The following ATAD3A variants were observed in gnomAD, a reference collection of about 807,000 sequenced individuals.
The protein encoded by ATAD3A is ATPase family AAA domain containing 3A.
ATAD3A carries 46 observed loss-of-function variants against 73.8 expected under a neutral mutation model. That is an observed-to-expected ratio of 0.62 (90% confidence interval 0.49 to 0.80). The LOEUF is 0.80. Among genes scored for constraint, ATAD3A ranks in the 30% least tolerant of loss-of-function variants. The pLI, the probability that ATAD3A is intolerant of heterozygous loss-of-function variation, is 0.00. For missense variants in ATAD3A, 705 were observed against 838.0 expected, an observed-to-expected ratio of 0.84 and a Z score of 1.96; for synonymous variants, 319 against 350.0, an observed-to-expected ratio of 0.91 and a Z score of 0.99.
intron 14 of ATAD3A, 92 bp downstream of exon 14, chr1:1,527,954 A>ATTC (rs1557476327): frequency 8.6e-7 from 1 of 1,156,786 alleles, no homozygotes; most frequent in African/African-American, 1.8e-5. Context: ...AACCTTTAAC[A>ATTC]TTCCTTTTTT....
At chr1:1,515,449 G>C (rs759706951) in intron 1 of ATAD3A, among the ~76,000 whole-genome samples, 53 of 152,140 alleles carry the variant, frequency 3.5e-4, no homozygotes, top group Non-Finnish European at 6.0e-4. Context: ...TGATGCTGAG[G>C]CCTCAGCAGC....
intron 15 of ATAD3A, among the ~76,000 whole-genome samples, chr1:1,529,802 T>C (rs1271302271): frequency 2.0e-5 from 3 of 152,198 alleles, no homozygotes; most frequent in Non-Finnish European, 2.9e-5. Context: ...CCACAGCCAG[T>C]TGTTCTTCGG....
rs1357812542 is a variant in ATAD3A, at chr1:1,530,605, G to A, written c.1614+1274G>A. 2.6e-3 allele frequency among the ~76,000 whole-genome samples: 286 copies of A among 111,910 alleles called. 10 individuals are homozygous for A. The highest frequency in any genetic ancestry group is 4.1e-3 in the Middle Eastern group (1 of 244). 73.4% of individuals were successfully genotyped at this position (111,910 alleles called of 152,430 possible). A position where few individuals can be genotyped will look rare whatever the true frequency, so the allele number is the denominator to read the frequency against. ...AGCACTTTGGGAGGCCGAGGCGGGC[G>A]GATCACGAGGTCAGGAGATCGAGAC... On this transcript the variant is annotated intron_variant, in intron 15 of 15. Transcript: ENST00000378756.
Position 1,529,096 on chromosome 1 carries a change from G to C in ATAD3A, c.1506-127G>C, listed in dbSNP as rs568836405. 1,156 of 1,407,474 alleles carry C rather than the reference G, an allele frequency of 8.2e-4. 2 individuals carry two copies. Among genetic ancestry groups the C allele is most frequent in the Non-Finnish European group, 1.1e-3 (1,079 of 1,025,030 alleles). The allele number at this position is 1,407,474 out of a possible 1,614,324, so 87.2% of individuals were successfully genotyped here. ...GGGAGGATGTGGAGCTGGGCTGTCA[G>C]AAGTAGAGAGCCCCTCCAAAGAGGA... On this transcript the variant is annotated intron_variant, in intron 14 of 15. Transcript: ENST00000378756.
At chr1:1,532,630 A>T (rs1000423491) in intron 15 of ATAD3A, among the ~76,000 whole-genome samples, 1 of 152,140 alleles carries the variant, frequency 6.6e-6, no homozygotes, top group African/African-American at 2.4e-5. Flanking sequence ...TGCTTCCTGG[A>T]GGGGTGGCCC....
rs541384014 is a variant in ATAD3A at position 1,517,011 on chromosome 1, C to G, written c.283-300C>G. The G allele has an allele frequency of 1.1e-5, 15 of 1,374,144 alleles. No homozygotes were observed. The East Asian group carries it at 3.5e-4, about 32-fold the overall frequency. 85.1% of individuals were successfully genotyped at this position (1,374,144 alleles called of 1,614,324 possible). ...ATAAGCGAGAGCCGTCGCACCCGGT[C>G]CACTCAGCAGGATTCCTAAAATAAG... On this transcript the variant is annotated intron_variant, in intron 2 of 15. Coordinates refer to ENST00000378756, the MANE Select transcript of ATAD3A (RefSeq NM_001170535.3).
rs1641691905 is a variant in ATAD3A, at chr1:1,523,666, C to T, written c.963+99C>T. 6.3e-7 allele frequency: 1 copy of T among 1,597,544 alleles called. No individual in the cohort carries two copies. The highest frequency in any genetic ancestry group is 1.1e-5 in the South Asian group (1 of 89,828). On this transcript the variant is annotated intron_variant, in intron 9 of 15. Transcript: ENST00000378756. This position sits in a 1 kb window ranked among gnomAD's most constrained non-coding sequence, Gnocchi z 5.1. The stretch of plus-strand genomic sequence containing the variant: ...TGGCGCTCGTGGTGGCACCCAGGAG[C>T]TTTTGGGTCCTGAGATGCGACTGCT...
At chr1:1,519,520 G>A (rs539772620) in intron 5 of ATAD3A, among the ~76,000 whole-genome samples, 6 of 63,876 alleles carry the variant, frequency 9.4e-5, no homozygotes, top group African/African-American at 3.0e-4. Context: ...GAGCCTCTGC[G>A]TTCTGCCTAG....
Position 1,527,720 on chromosome 1 carries a change from C to G in ATAD3A, c.1363C>G (p.Gln455Glu). The change falls in exon 14 of 16, where the codon CAA (glutamine) becomes GAA (glutamate). Residue 455 changes from glutamine (Q) to glutamate (E), a missense_variant. Transcript: ENST00000378756. ...GTTCATGCTGGTCCTGGCCAGCAAC[C>G]AACCAGAGCAGTTCGACTGGGCCAT... ...NKFMLVLASN[Q>E]PEQFDWAIND... 1 of 1,612,894 alleles carries G rather than the reference C, an allele frequency of 6.2e-7. No homozygotes were observed. The highest frequency in any genetic ancestry group is 8.5e-7 in the Non-Finnish European group (1 of 1,179,392).
At chr1:1,512,953 G>A (rs1223192529) in intron 1 of ATAD3A, among the ~76,000 whole-genome samples, 1 of 152,228 alleles carries the variant, frequency 6.6e-6, no homozygotes, top group African/African-American at 2.4e-5. Context: ...GAAGACGTTA[G>A]CATTTGCACG....
chr1:1,524,805 C>G (rs567442207), intron 11 of ATAD3A, among the ~76,000 whole-genome samples: 1 of 149,312 alleles, frequency 6.7e-6, no homozygotes, highest in South Asian at 2.2e-4. Flanking sequence ...TTCAATAGGT[C>G]CCACAGTGAC....
chr1:1,514,146 C>G (rs1046700638), intron 1 of ATAD3A, among the ~76,000 whole-genome samples: 1 of 152,176 alleles, frequency 6.6e-6, no homozygotes, highest in Non-Finnish European at 1.5e-5. Context: ...CTCTAATAAC[C>G]GAGAGGCCAC....
chr1:1,512,567 C>G, intron 1 of ATAD3A, 94 bp downstream of exon 1: 1 of 1,395,102 alleles, frequency 7.2e-7, no homozygotes, highest in South Asian at 1.3e-5. Flanking sequence ...CCGCTGTCGG[C>G]AGCCACTTCC....
Position 1,534,346 on chromosome 1 carries a change from T to C in ATAD3A, c.*274T>C. The C allele has an allele frequency of 2.1e-6, 3 of 1,403,208 alleles. No individual in the cohort carries two copies. Among genetic ancestry groups the C allele is most frequent in the Non-Finnish European group, 2.8e-6 (3 of 1,081,960 alleles). 86.9% of individuals were successfully genotyped at this position (1,403,208 alleles called of 1,614,324 possible). Reference sequence around the variant, plus strand: ...TTCCGTCTGGCTCACAGGGGGAGGGTGAGGCTTTGCACCCCAGCCCCTGCC... The same window carrying C: ...TTCCGTCTGGCTCACAGGGGGAGGGCGAGGCTTTGCACCCCAGCCCCTGCC... On this transcript the variant is annotated 3_prime_UTR_variant, in exon 16 of 16. Coordinates refer to ENST00000378756, the MANE Select transcript of ATAD3A (RefSeq NM_001170535.3).
chr1:1,515,949 G>A (rs1320519307), intron 1 of ATAD3A, 63 bp from the exon 2 acceptor site: 1 of 1,593,358 alleles, frequency 6.3e-7, no homozygotes, highest in Non-Finnish European at 8.5e-7. Context: ...TGGCTGGTGT[G>A]CGTGCCTGCC....
At position 1,521,298 on chromosome 1, in the gene ATAD3A, CAAAAAAAAAAAAAA is replaced by C. The variant is rs1001385922; in HGVS notation, c.750+699_750+712del. On this transcript the variant is annotated intron_variant, in intron 7 of 15. Transcript: ENST00000378756. Reference sequence around the variant, plus strand: ...TGGGCCACATAGTGAGGCTTCTTCTCAAAAAAAAAAAAAAAAAAAAAAAAAAAAAAACCAGAAGG... The same window carrying C: ...TGGGCCACATAGTGAGGCTTCTTCTCAAAAAAAAAAAAAAAAACCAGAAGG... Among the ~76,000 whole-genome samples the C allele has an allele frequency of 5.9e-4, 15 of 25,370 alleles. No homozygotes were observed. The South Asian group carries it at 9.3e-3, about 16-fold the overall frequency. 16.6% of individuals were successfully genotyped at this position (25,370 alleles called of 152,430 possible).
chr1:1,519,938 T>C (rs2015387), intron 5 of ATAD3A, among the ~76,000 whole-genome samples: 75,653 of 151,890 alleles, frequency 0.5, 24,606 homozygotes, highest in East Asian at 0.98. Flanking sequence ...TGGGCCTGTC[T>C]GTGGCGTGGG....
In ATAD3A at chr1:1,523,554, G is replaced by C. The variant is rs770982421; in HGVS notation, c.950G>C (p.Gly317Ala). ...AGTCGACCCCAGGACGCGCTGGAGG[G>C]TGTTGTGCTCAGTGTAAGTCGGTGT... ...LLSRPQDALE[G>A]VVLSPSLEAR... The change falls in exon 9 of 16, where the codon GGT becomes GCT. Residue 317 changes from glycine (G) to alanine (A), a missense_variant. By Grantham distance (60) the Gly-to-Ala change is moderately conservative. Coordinates refer to ENST00000378756, the MANE Select transcript of ATAD3A (RefSeq NM_001170535.3). This position sits in a 1 kb window ranked among gnomAD's most constrained non-coding sequence, Gnocchi z 5.1. The C allele has an allele frequency of 4.3e-6, 7 of 1,613,052 alleles. No homozygotes were observed. The South Asian group carries it at 6.6e-5, about 15-fold the overall frequency.
intron 13 of ATAD3A, among the ~76,000 whole-genome samples, chr1:1,526,846 C>G (rs1264812950): frequency 6.6e-6 from 1 of 152,172 alleles, no homozygotes; most frequent in Non-Finnish European, 1.5e-5. Context: ...GAGGTGGTCT[C>G]ATCGTGTGAG....
Sources: gnomAD v4.1 joint callset for allele counts (sites outside exome capture counted in the v4.1 genomes callset) on GRCh38, gnomAD v4.1.1 for gene constraint, Gnocchi (gnomAD v3.1) non-coding constraint, MANE v1.5 for transcripts, NCBI Gene and HGNC (gene_info 2026-07-23, HGNC 2026-07-21) for gene names.